GABRA3: variants seen among roughly 807,000 people sequenced by gnomAD.
The protein encoded by GABRA3 is gamma-aminobutyric acid receptor subunit alpha-3.
In GABRA3, 10 loss-of-function variants were observed where a neutral mutation model predicts 30.1. The ratio of observed to expected loss-of-function variants is 0.33; its 90% CI spans 0.20 to 0.56. The LOEUF (loss-of-function observed/expected upper bound fraction) is 0.56. Among genes scored for constraint, GABRA3 ranks in the 20% least tolerant of loss-of-function variants. GABRA3 has a pLI of 0.89. For missense variants in GABRA3, 233 were observed against 392.0 expected (o/e 0.59, Z 3.42); for synonymous variants, 151 against 146.8 (o/e 1.03, Z -0.21).
chrX:152,274,383 C>T (rs141150977), intron 4 of GABRA3, among the ~76,000 whole-genome samples: 2,414 of 108,079 alleles, frequency 0.022, 61 homozygotes, highest in African/African-American at 0.08. Flanking sequence ...ATTTACTTCC[C>T]ACCCCACCCC....
At chrX:152,253,817 T>C (rs951937463) in intron 5 of GABRA3, among the ~76,000 whole-genome samples, 1 of 111,597 alleles carries the variant, frequency 9.0e-6, no homozygotes, top group African/African-American at 3.3e-5. Flanking sequence ...CCTCTCTTCC[T>C]TCTGCCTCTA....
At chrX:152,393,551 G>A (rs1304730312) in intron 1 of GABRA3, 1 of 331,520 alleles carries the variant, frequency 3.0e-6, no homozygotes, top group Non-Finnish European at 6.0e-6. Context: ...ATACAAGAGT[G>A]AATAACACAA....
intron 5 of GABRA3, among the ~76,000 whole-genome samples, chrX:152,233,132 T>C (rs986245336): frequency 9.2e-6 from 1 of 109,277 alleles, no homozygotes; most frequent in Admixed American, 9.9e-5. Flanking sequence ...TTTTGAAAAA[T>C]GTCGGTTCAT....
At chrX:152,276,385 G>A (rs1939085628) in intron 4 of GABRA3, among the ~76,000 whole-genome samples, 1 of 111,962 alleles carries the variant, frequency 8.9e-6, no homozygotes, top group African/African-American at 3.2e-5. Context: ...CAAAAGTGCA[G>A]AGAAATTGAG....
chrX:152,387,785 A>G (rs1337606031), intron 1 of GABRA3, among the ~76,000 whole-genome samples: 2 of 111,767 alleles, frequency 1.8e-5, no homozygotes, highest in African/African-American at 6.5e-5. Flanking sequence ...AAAATGCTAA[A>G]CAATTCTGTT....
At chrX:152,312,600 A>C (rs1390383190) in intron 3 of GABRA3, among the ~76,000 whole-genome samples, 1 of 112,278 alleles carries the variant, frequency 8.9e-6, no homozygotes, top group Non-Finnish European at 1.9e-5. Context: ...CAAAGAAATT[A>C]AAAGCAATTG....
At chrX:152,241,668 G>A (rs1237649191) in intron 5 of GABRA3, among the ~76,000 whole-genome samples, 2 of 109,234 alleles carry the variant, frequency 1.8e-5, no homozygotes, top group African/African-American at 6.6e-5. Flanking sequence ...TTCCGTGGGC[G>A]TAGGACCCTC....
At chrX:152,398,935 A>G (rs956401907) in intron 1 of GABRA3, among the ~76,000 whole-genome samples, 10 of 111,873 alleles carry the variant, frequency 8.9e-5, no homozygotes, top group African/African-American at 3.2e-4. Context: ...GTCATGATAT[A>G]TCAATATGCA....
chrX:152,310,041 G>A (rs2124459332), intron 3 of GABRA3, among the ~76,000 whole-genome samples: 1 of 112,142 alleles, frequency 8.9e-6, no homozygotes, highest in South Asian at 3.7e-4. Context: ...ACAAAAAACT[G>A]CATTACATAA....
chrX:152,271,672 G>A (rs987601959), intron 4 of GABRA3, among the ~76,000 whole-genome samples: 4 of 112,152 alleles, frequency 3.6e-5, no homozygotes, highest in South Asian at 7.4e-4. Flanking sequence ...AAATATTTCC[G>A]GGGCATATCA....
chrX:152,374,040 G>C lies in GABRA3; in HGVS notation c.-26-9444C>G, dbSNP rs761204458. ...TCCAGTCTATCATTGATGGACATTT[G>C]CATTTCTCTAATGATCAATGATGTT... is the stretch of plus-strand genomic sequence containing the variant. On this transcript the variant is annotated intron_variant, in intron 1 of 9. Coordinates refer to ENST00000370314, the MANE Select transcript of GABRA3 (RefSeq NM_000808.4). 2.7e-5 allele frequency among the ~76,000 whole-genome samples: 3 copies of C among 111,404 alleles called. No homozygotes were observed. The East Asian group carries it at 8.5e-4, about 31-fold the overall frequency.
intron 1 of GABRA3, among the ~76,000 whole-genome samples, chrX:152,369,489 C>T (rs1288187109): frequency 2.7e-5 from 3 of 111,726 alleles, no homozygotes; most frequent in African/African-American, 6.5e-5. Flanking sequence ...TGGCCTCCTT[C>T]GCTGCTCATG....
At chrX:152,236,575 C>T (rs1232955552) in intron 5 of GABRA3, among the ~76,000 whole-genome samples, 1 of 102,357 alleles carries the variant, frequency 9.8e-6, no homozygotes, top group African/African-American at 3.6e-5. Flanking sequence ...GCCACACTGA[C>T]TTCCACAATG....
chrX:152,426,890 T>A (rs763765370), intron 1 of GABRA3, among the ~76,000 whole-genome samples: 254 of 112,484 alleles, frequency 2.3e-3, no homozygotes, highest in Non-Finnish European at 3.9e-3. Flanking sequence ...AACAATGATA[T>A]GTCATTGATA....
chrX:152,314,731 TTC>T (rs1194460399), intron 3 of GABRA3, among the ~76,000 whole-genome samples: 1 of 112,334 alleles, frequency 8.9e-6, no homozygotes, highest in Non-Finnish European at 1.9e-5. Context: ...CAGAGAGGCA[TTC>T]TCTCTGTTTT....
At chrX:152,179,345 A>C (rs966607364) in intron 9 of GABRA3, among the ~76,000 whole-genome samples, 1 of 110,909 alleles carries the variant, frequency 9.0e-6, no homozygotes, top group African/African-American at 3.3e-5. Flanking sequence ...AGAATACAGA[A>C]CATTGCTATT....
chrX:152,402,359 C>A (rs367753640), intron 1 of GABRA3, among the ~76,000 whole-genome samples: 7 of 111,968 alleles, frequency 6.3e-5, no homozygotes, highest in Non-Finnish European at 1.3e-4. Flanking sequence ...AATTAGCATA[C>A]AGCGAAAACA....
intron 3 of GABRA3, among the ~76,000 whole-genome samples, chrX:152,289,153 T>G (rs759099640): frequency 1.1e-4 from 12 of 108,987 alleles, no homozygotes; most frequent in African/African-American, 1.7e-4. Flanking sequence ...TGTATTTATG[T>G]TGAGTATACT....
chrX:152,329,642 A>G (rs745883672), intron 3 of GABRA3, among the ~76,000 whole-genome samples: 3 of 112,216 alleles, frequency 2.7e-5, no homozygotes, highest in African/African-American at 9.7e-5. Flanking sequence ...CTGGCTAGCA[A>G]TAAGTAGAAA....
Sources: gnomAD v4.1 joint callset for allele counts (sites outside exome capture counted in the v4.1 genomes callset) on GRCh38, gnomAD v4.1.1 for gene constraint, MANE v1.5 for transcripts, NCBI Gene and HGNC (gene_info 2026-07-23, HGNC 2026-07-21) for gene names.